Variants in RP1L1 observed in about 807,000 individuals in gnomAD.
RP1L1 encodes the protein RP1 like 1, also known as retinitis pigmentosa 1-like 1 protein.
RP1L1 carries 27 observed loss-of-function variants against 15.7 expected under a neutral mutation model. The observed-to-expected ratio is 1.72, with a 90% CI of 1.27 to 2.38. The LOEUF (loss-of-function observed/expected upper bound fraction) is 2.38. Ranked by LOEUF, RP1L1 falls within the 30% of genes most tolerant of loss-of-function variation. RP1L1 has a pLI of 0.00. For missense variants in RP1L1, 4,798 were observed against 3,075.9 expected (o/e 1.56, Z -13.24); for synonymous variants, 1,813 against 1,276.7 (o/e 1.42, Z -8.96).
intron 3 of RP1L1, among the ~76,000 whole-genome samples, chr8:10,616,128 C>T (rs1483333238): frequency 6.6e-6 from 1 of 151,982 alleles, no homozygotes; most frequent in Non-Finnish European, 1.5e-5. Flanking sequence ...AGGCGGGTGT[C>T]CAACTCCTAG....
At chr8:10,643,739 G>C (rs1253945100) in intron 1 of RP1L1, among the ~76,000 whole-genome samples, 1 of 152,006 alleles carries the variant, frequency 6.6e-6, no homozygotes, top group Non-Finnish European at 1.5e-5. Flanking sequence ...CCTAATGTGG[G>C]TGCTGGAAAA....
At position 10,610,614 on chromosome 8, in the gene RP1L1, C is replaced by G. The variant is rs557920637; in HGVS notation, c.3484G>C (p.Asp1162His). 101 of 1,613,472 alleles carry G rather than the reference C, an allele frequency of 6.3e-5. No homozygotes were observed. Among genetic ancestry groups the G allele is most frequent in the Non-Finnish European group, 8.2e-5 (97 of 1,180,024 alleles). ...SISKDLWPGCDVGEDQLDSGL... is the reference protein window; with the variant it reads ...SISKDLWPGCHVGEDQLDSGL... ...GAGTCCAGCTGGTCTTCCCCAACGT[C>G]ACATCCTGGCCACAGGTCCTTCGAG... The change falls in exon 4 of 4, where the codon GAC (aspartate) becomes CAC (histidine). Residue 1162 changes from aspartate (D) to histidine (H), a missense_variant. Physicochemically the swap from Asp to His is moderately conservative, Grantham distance 81. Coordinates refer to ENST00000382483, the MANE Select transcript of RP1L1 (RefSeq NM_178857.6).
At chr8:10,621,165 T>G (rs577013474) in intron 2 of RP1L1, 1 of 153,048 alleles carries the variant, frequency 6.5e-6, no homozygotes, top group African/African-American at 2.4e-5. Flanking sequence ...ATAGACGATA[T>G]CAAGGTGAGG....
rs531363261 is a variant in RP1L1 at position 10,630,053 on chromosome 8, AG to A, written c.-19-6834del. On this transcript the variant is annotated intron_variant, in intron 1 of 3. Transcript: ENST00000382483. ...ATCCTGAGTGGGAGTCAGGGTGGTG[AG>A]GGGGTCTCCTTCAGAGCTCAGTCAT... 3.1e-4 allele frequency among the ~76,000 whole-genome samples: 47 copies of A among 152,272 alleles called. No individual in the cohort carries two copies. The South Asian group carries it at 4.3e-3, about 14-fold the overall frequency.
rs753360363 is a variant in RP1L1, at chr8:10,608,860, G to A, written c.5238C>T (p.Gly1746=). 8.7e-6 allele frequency: 14 copies of A among 1,613,656 alleles called. No homozygotes were observed. The highest frequency in any genetic ancestry group is 2.7e-5 in the African/African-American group (2 of 74,834). The change falls in exon 4 of 4, where the codon GGC becomes GGT. Residue 1746 remains glycine, a synonymous_variant. Transcript: ENST00000382483. ...QGPGVDEGED[G]EGSQRLNRDK... Reference sequence around the variant, plus strand: ...CTCTGTTGAGTCTCTGGCTCCCCTCGCCATCCTCACCCTCGTCCACTCCAG... The same window carrying A: ...CTCTGTTGAGTCTCTGGCTCCCCTCACCATCCTCACCCTCGTCCACTCCAG...
intron 2 of RP1L1, among the ~76,000 whole-genome samples, chr8:10,618,728 T>C (rs1187047087): frequency 6.6e-6 from 1 of 152,156 alleles, no homozygotes; most frequent in African/African-American, 2.4e-5. Context: ...TTAATAATAG[T>C]AATATCAGCT....
Position 10,616,551 on chromosome 8 carries a change from C to G in RP1L1, c.646G>C (p.Val216Leu), listed in dbSNP as rs757603963. 2 of 1,613,954 alleles carry G rather than the reference C, an allele frequency of 1.2e-6. No homozygotes were observed. The highest frequency in any genetic ancestry group is 2.2e-5 in the South Asian group (2 of 91,080). Reference sequence around the variant, plus strand: ...GCCTCATGCCCGGCACACACCAGCACAGAGGGGCTGTGCAGCAGGGCCTGC... The same window carrying G: ...GCCTCATGCCCGGCACACACCAGCAGAGAGGGGCTGTGCAGCAGGGCCTGC... ...SLQALLHSPS[V>L]LVCAGHEAFR... The change falls in exon 3 of 4, where the codon GTG (valine) becomes CTG (leucine). Residue 216 changes from valine (V) to leucine (L), a missense_variant. Transcript: ENST00000382483.
intron 1 of RP1L1, among the ~76,000 whole-genome samples, chr8:10,651,519 G>A (rs527662717): frequency 6.6e-6 from 1 of 152,164 alleles, no homozygotes; most frequent in Non-Finnish European, 1.5e-5. Flanking sequence ...ACGGGTTCAA[G>A]AGATTGAGAC....
At position 10,609,266 on chromosome 8, in the gene RP1L1, C is replaced by T. The variant is rs367756039; in HGVS notation, c.4832G>A (p.Arg1611Gln). Residue 1611 changes from arginine (R) to glutamine (Q), a missense_variant, in exon 4 of 4, where the codon CGG becomes CAG. Arg to Gln is a conservative substitution (Grantham distance 43). Transcript: ENST00000382483. ...GAAGGCCGAGAGGTTTCGCAGGCCCCGGAGACGGTGTCTGCGCTGCTGGGT... is the reference window on the plus strand; with the variant it reads ...GAAGGCCGAGAGGTTTCGCAGGCCCTGGAGACGGTGTCTGCGCTGCTGGGT... ...LQTQQRRHRLRGLRNLSAFSE... is the reference protein window; with the variant it reads ...LQTQQRRHRLQGLRNLSAFSE... The T allele has an allele frequency of 2.5e-5, 41 of 1,609,012 alleles. No homozygotes were observed. Among genetic ancestry groups the T allele is most frequent in the African/African-American group, 2.1e-4 (16 of 74,928 alleles).
At chr8:10,651,832 C>G (rs1022590933) in intron 1 of RP1L1, among the ~76,000 whole-genome samples, 3 of 151,454 alleles carry the variant, frequency 2.0e-5, no homozygotes, top group African/African-American at 7.3e-5. Flanking sequence ...ATACAGTACA[C>G]AGTCACGCAG....
chr8:10,623,545 C>T (rs1798109584), intron 1 of RP1L1, among the ~76,000 whole-genome samples: 1 of 151,884 alleles, frequency 6.6e-6, no homozygotes, highest in African/African-American at 2.4e-5. Flanking sequence ...ATGTCCCCAG[C>T]ACAACCATGT....
chr8:10,649,443 A>T (rs1319646913), intron 1 of RP1L1, among the ~76,000 whole-genome samples: 1 of 152,198 alleles, frequency 6.6e-6, no homozygotes, highest in Non-Finnish European at 1.5e-5. Flanking sequence ...TGGCTAGCTG[A>T]GTCCCACCCG....
At chr8:10,636,814 C>T (rs1475365186) in intron 1 of RP1L1, among the ~76,000 whole-genome samples, 3 of 152,240 alleles carry the variant, frequency 2.0e-5, no homozygotes, top group African/African-American at 7.2e-5. Context: ...GAACCGACTC[C>T]CTCCTGGCTA....
intron 1 of RP1L1, among the ~76,000 whole-genome samples, chr8:10,627,075 C>T (rs908203456): frequency 1.3e-4 from 20 of 152,080 alleles, no homozygotes; most frequent in African/African-American, 4.6e-4. Flanking sequence ...AACAGTATGG[C>T]GGGTCCTCAA....
chr8:10,644,873 T>C (rs1383974442), intron 1 of RP1L1, among the ~76,000 whole-genome samples: 1 of 152,220 alleles, frequency 6.6e-6, no homozygotes, highest in African/African-American at 2.4e-5. Flanking sequence ...TCTGCACAAG[T>C]ACAGGGGCTG....
rs552702623 is a variant in RP1L1, at chr8:10,616,447, G to A, written c.750C>T (p.Asn250=). 19 of 1,614,214 alleles carry A rather than the reference G, an allele frequency of 1.2e-5. No homozygotes were observed. The highest frequency in any genetic ancestry group is 2.7e-5 in the African/African-American group (2 of 75,066). ...TLSGLTSRNK[N]GSWGPKTKPS... is the part of the protein sequence containing the mutation. ...GGGGAAACCCAAAAACCAACTCACCGTTTTTGTTTCTTGAAGTCAGCCCAG... is the reference window on the plus strand; with the variant it reads ...GGGGAAACCCAAAAACCAACTCACCATTTTTGTTTCTTGAAGTCAGCCCAG... Residue 250 remains asparagine (N), a splice_region_variant and synonymous_variant, in exon 3 of 4, where the codon AAC becomes AAT. Coordinates refer to ENST00000382483, the MANE Select transcript of RP1L1 (RefSeq NM_178857.6).
chr8:10,617,805 C>G (rs546845239), intron 2 of RP1L1, among the ~76,000 whole-genome samples: 51 of 152,212 alleles, frequency 3.4e-4, no homozygotes, highest in African/African-American at 1.2e-3. Flanking sequence ...ATCCGCCGGC[C>G]TCGGCCTCCC....
chr8:10,645,086 G>C (rs1263770808), intron 1 of RP1L1, among the ~76,000 whole-genome samples: 1 of 152,148 alleles, frequency 6.6e-6, no homozygotes, highest in African/African-American at 2.4e-5. Flanking sequence ...CAGAACTTTG[G>C]GGGGCTAAGG....
rs750290705 is a variant in RP1L1 at position 10,608,041 on chromosome 8, C to A, written c.6057G>T (p.Glu2019Asp). The change falls in exon 4 of 4, where the codon GAG (glutamate) becomes GAT (aspartate). Residue 2019 changes from glutamate (E) to aspartate (D), a missense_variant. Glu to Asp is a conservative substitution (Grantham distance 45). Transcript: ENST00000382483. ...MQEAEEEAQP[E>D]SDGVEAQPKS... ...TTGGCTGGGCCTCTACACCGTCTGACTCTGGCTGGGCCTCCTCTTCTGCCT... is the reference window on the plus strand; with the variant it reads ...TTGGCTGGGCCTCTACACCGTCTGAATCTGGCTGGGCCTCCTCTTCTGCCT... 8 of 1,611,576 alleles carry A rather than the reference C, an allele frequency of 5.0e-6. 1 individual carries two copies. In the East Asian group the frequency reaches 1.6e-4, roughly 32 times the overall value.
Sources: gnomAD v4.1 joint callset for allele counts (sites outside exome capture counted in the v4.1 genomes callset) on GRCh38, gnomAD v4.1.1 for gene constraint, MANE v1.5 for transcripts, NCBI Gene and HGNC (gene_info 2026-07-23, HGNC 2026-07-21) for gene names.